ASPRV1: variants seen among roughly 807,000 people sequenced by gnomAD.
ASPRV1 encodes retroviral-like aspartic protease 1.
ASPRV1 carries 7 observed loss-of-function variants against 11.0 expected under a neutral mutation model. That is an observed-to-expected ratio of 0.64 (90% CI 0.36 to 1.20). The LOEUF (loss-of-function observed/expected upper bound fraction) is 1.20, where lower values mean the gene tolerates loss of function less well. Among genes scored for constraint, ASPRV1 ranks in the 50% most tolerant of loss-of-function variants. ASPRV1 has a pLI of 0.02. For synonymous variants in ASPRV1, 136 were observed against 138.4 expected (o/e 0.98, Z 0.12); for missense variants, 299 against 320.0 (o/e 0.93, Z 0.50).
the ASPRV1 span, among the ~76,000 whole-genome samples, chr2:69,987,597 AAAAAAAAT>A: frequency 2.9e-4 from 44 of 151,186 alleles, no homozygotes; most frequent in Admixed American, 2.3e-3. Flanking sequence ...AAAAAAAAAA[AAAAAAAAT>A]TTAGCCGGGC....
the ASPRV1 span, chr2:69,996,912 A>T: frequency 6.5e-6 from 2 of 308,116 alleles, no homozygotes; most frequent in Non-Finnish European, 1.3e-5. Context: ...AAATGACCCA[A>T]AGTTATTATT....
At chr2:69,982,183 ATCTCT>A in the ASPRV1 span, among the ~76,000 whole-genome samples, 5 of 151,964 alleles carry the variant, frequency 3.3e-5, no homozygotes, top group African/African-American at 7.3e-5. Flanking sequence ...CTGTGATTAA[ATCTCT>A]TCTATTAAGG....
the ASPRV1 span, among the ~76,000 whole-genome samples, chr2:70,080,459 T>G: frequency 1.3e-5 from 2 of 152,170 alleles, no homozygotes; most frequent in African/African-American, 4.8e-5. Context: ...ACTCCTGACC[T>G]CAGGTGATCT....
At chr2:70,007,683 G>A in the ASPRV1 span, among the ~76,000 whole-genome samples, 2 of 152,122 alleles carry the variant, frequency 1.3e-5, no homozygotes, top group Admixed American at 6.6e-5. Context: ...TATAAAAAGA[G>A]CTATGTATAA....
chr2:70,005,482 A>T, the ASPRV1 span, among the ~76,000 whole-genome samples: 1 of 152,148 alleles, frequency 6.6e-6, no homozygotes, highest in Non-Finnish European at 1.5e-5. Flanking sequence ...GTATTTATTA[A>T]AGTTACAGAT....
At chr2:70,024,189 C>A in the ASPRV1 span, among the ~76,000 whole-genome samples, 2 of 150,806 alleles carry the variant, frequency 1.3e-5, no homozygotes, top group South Asian at 4.2e-4. Flanking sequence ...AAATTTATTC[C>A]AATAATTTAA....
At chr2:69,990,722 A>G in the ASPRV1 span, among the ~76,000 whole-genome samples, 1 of 152,010 alleles carries the variant, frequency 6.6e-6, no homozygotes, top group African/African-American at 2.4e-5. Context: ...CCCAAAGTGC[A>G]GGGATTACAG....
the ASPRV1 span, among the ~76,000 whole-genome samples, chr2:70,040,620 G>A: frequency 1.3e-5 from 2 of 152,112 alleles, no homozygotes; most frequent in Admixed American, 6.6e-5. Flanking sequence ...TGGATCATGA[G>A]GTCAAAAGTT....
the ASPRV1 span, among the ~76,000 whole-genome samples, chr2:70,027,259 C>CAAAAAA: frequency 6.0e-5 from 3 of 49,676 alleles, no homozygotes; most frequent in Admixed American, 2.5e-4. Context: ...CCCTGTCTCT[C>CAAAAAA]AAAAAAAAAA....
the ASPRV1 span, chr2:70,029,998 CCA>C: frequency 6.6e-6 from 1 of 152,190 alleles, no homozygotes; most frequent in Non-Finnish European, 1.5e-5. Context: ...GATGCAAACT[CCA>C]GTCTTTTCTA....
chr2:69,947,392 C>T, the ASPRV1 span, among the ~76,000 whole-genome samples: 1 of 152,150 alleles, frequency 6.6e-6, no homozygotes, highest in South Asian at 2.1e-4. Context: ...CTCAGGGAAA[C>T]AGTGAATCAT....
chr2:70,054,576 CAATA>C, the ASPRV1 span, among the ~76,000 whole-genome samples: 17 of 149,068 alleles, frequency 1.1e-4, no homozygotes, highest in African/African-American at 1.7e-4. Flanking sequence ...GACTCCGTCT[CAATA>C]AATAAATAAA....
chr2:70,001,072 T>G, the ASPRV1 span, among the ~76,000 whole-genome samples: 10 of 152,188 alleles, frequency 6.6e-5, no homozygotes, highest in Non-Finnish European at 1.5e-5. Flanking sequence ...AGAGCCTAAG[T>G]TGATACATCC....
chr2:70,029,653 C>A, the ASPRV1 span, among the ~76,000 whole-genome samples: 2 of 152,106 alleles, frequency 1.3e-5, no homozygotes, highest in African/African-American at 4.8e-5. Context: ...CAAAACAAAA[C>A]AAAATAGGAG....
At chr2:69,977,011 G>A in the ASPRV1 span, among the ~76,000 whole-genome samples, 1 of 151,996 alleles carries the variant, frequency 6.6e-6, no homozygotes, top group Non-Finnish European at 1.5e-5. Context: ...GGCCAACATG[G>A]TGAAACCCCG....
the ASPRV1 span, among the ~76,000 whole-genome samples, chr2:69,954,620 C>A: frequency 2.0e-5 from 3 of 152,332 alleles, no homozygotes; most frequent in East Asian, 1.9e-4. Context: ...TGTTAGCCAA[C>A]ACCAGCAGGC....
the ASPRV1 span, among the ~76,000 whole-genome samples, chr2:69,989,464 C>A: frequency 3.3e-5 from 5 of 152,240 alleles, no homozygotes; most frequent in Admixed American, 2.6e-4. Context: ...GAGTTCAGGC[C>A]TTAAGGCCCA....
the ASPRV1 span, among the ~76,000 whole-genome samples, chr2:70,043,424 A>T: frequency 7.0e-5 from 9 of 129,450 alleles, no homozygotes; most frequent in African/African-American, 2.6e-4. Context: ...TCTCGCATTT[A>T]AAAAAAAAAA....
the ASPRV1 span, among the ~76,000 whole-genome samples, chr2:69,949,425 C>T: frequency 3.3e-5 from 5 of 152,302 alleles, no homozygotes; most frequent in South Asian, 1.0e-3. Context: ...GAGGTTTTTA[C>T]TAATCACTGG....
Sources: allele counts gnomAD v4.1 joint callset (sites outside exome capture counted in the v4.1 genomes callset), GRCh38; gene constraint gnomAD v4.1.1; transcripts MANE v1.5; gene names NCBI Gene and HGNC (gene_info 2026-07-23, HGNC 2026-07-21).